The following PPFIBP2 variants were observed in gnomAD, a reference collection of about 807,000 sequenced individuals.
PPFIBP2 encodes the protein liprin-beta-2.
A neutral mutation model predicts 118.3 loss-of-function variants in PPFIBP2; 118 were observed. That is an observed-to-expected ratio of 1.00 (90% CI 0.86 to 1.16). PPFIBP2 has a LOEUF of 1.16. PPFIBP2 is among the 50% of genes most tolerant of loss of function. The probability of loss-of-function intolerance (pLI) is 0.00; values close to 1 mark genes in which losing one functional copy is unlikely to be tolerated. For missense variants in PPFIBP2, 1,195 were observed against 1,073.1 expected (o/e 1.11, Z -1.59); for synonymous variants, 414 against 397.4 (o/e 1.04, Z -0.50).
chr11:7,601,406 A>G (rs1861405610), intron 5 of PPFIBP2, among the ~76,000 whole-genome samples: 1 of 152,184 alleles, frequency 6.6e-6, no homozygotes, highest in Admixed American at 6.5e-5. Flanking sequence ...GGGCAAAATA[A>G]TGTTTCTGTT....
chr11:7,576,939 G>T (rs1856425871), intron 3 of PPFIBP2: 1 of 152,422 alleles, frequency 6.6e-6, no homozygotes, highest in East Asian at 1.9e-4. Flanking sequence ...CAGGGCGGGG[G>T]TCAGGCTGTG....
intron 2 of PPFIBP2, among the ~76,000 whole-genome samples, chr11:7,551,508 C>CTG (rs1852995488): frequency 6.6e-6 from 1 of 152,178 alleles, no homozygotes; most frequent in African/African-American, 2.4e-5. Context: ...GTGTTGATTA[C>CTG]TGTAGCTTTA....
Position 7,653,204 on chromosome 11 carries a change from G to A in PPFIBP2, c.2617G>A (p.Gly873Arg). The A allele has an allele frequency of 1.2e-6, 2 of 1,614,122 alleles. No individual in the cohort carries two copies. Among genetic ancestry groups the A allele is most frequent in the Non-Finnish European group, 8.5e-7 (1 of 1,180,038 alleles). Residue 873 changes from glycine to arginine, a missense_variant, in exon 24 of 24, where the codon GGA becomes AGA. Physicochemically the swap from Gly to Arg is moderately radical, Grantham distance 125 (BLOSUM62 -2). Transcript: ENST00000299492. ...TGAACTGGATGGGCTGGACCAGGTG[G>A]GACAGATTAGCTGATGCCCTTGTCA... ...APELDGLDQVGQIS is the reference protein window; with the variant it reads ...APELDGLDQVRQIS
chr11:7,611,352 T>C (rs1043913716), intron 6 of PPFIBP2, among the ~76,000 whole-genome samples: 1 of 152,148 alleles, frequency 6.6e-6, no homozygotes, highest in Non-Finnish European at 1.5e-5. Flanking sequence ...CCTTCCTTCA[T>C]TTAGGCTAAA....
At chr11:7,655,573 G>C (rs985584204), downstream of PPFIBP2, 4 of 1,150,354 alleles carry the variant, frequency 3.5e-6, no homozygotes, top group African/African-American at 1.6e-5. Flanking sequence ...GTGTGGTGTG[G>C]TATGCACAAG....
intron 17 of PPFIBP2, among the ~76,000 whole-genome samples, chr11:7,644,756 G>T (rs1458718148): frequency 1.3e-5 from 2 of 152,032 alleles, no homozygotes; most frequent in African/African-American, 2.4e-5. Context: ...GGCCGGGCGC[G>T]GTGGCTCACG....
chr11:7,552,758 C>G (rs1301363128), intron 2 of PPFIBP2, among the ~76,000 whole-genome samples: 2 of 152,096 alleles, frequency 1.3e-5, no homozygotes, highest in Admixed American at 6.5e-5. Flanking sequence ...GAGCTTGCCC[C>G]CCCCTCTCCT....
intron 1 of PPFIBP2, among the ~76,000 whole-genome samples, chr11:7,522,851 C>T (rs535974036): frequency 2.0e-5 from 3 of 152,084 alleles, no homozygotes; most frequent in African/African-American, 4.8e-5. Context: ...AATGTGGGCA[C>T]GTGTATTAAT....
intron 7 of PPFIBP2, among the ~76,000 whole-genome samples, chr11:7,622,055 T>G (rs1849419141): frequency 6.6e-6 from 1 of 152,226 alleles, no homozygotes; most frequent in Admixed American, 6.5e-5. Context: ...TTGCTACAGG[T>G]AAATAGCTTA....
In PPFIBP2 at chr11:7,630,919, T is replaced by A. The variant is rs186262460; in HGVS notation, c.965-6T>A. On this transcript the variant is annotated splice_polypyrimidine_tract_variant and splice_region_variant and intron_variant, in intron 10 of 23. Transcript: ENST00000299492. ...CAATTCAGTCTTACTACCTTAATGC[T>A]TGCAGGGCCTTCGGAGAGAACTCTC... 597 of 1,610,852 alleles carry A rather than the reference T, an allele frequency of 3.7e-4. 4 individuals carry two copies. In the African/African-American group the frequency reaches 7.1e-3, roughly 19 times the overall value.
chr11:7,524,141 T>A (rs959232958), intron 1 of PPFIBP2, among the ~76,000 whole-genome samples: 28 of 150,714 alleles, frequency 1.9e-4, no homozygotes, highest in East Asian at 5.8e-4. Flanking sequence ...TGTGTGTGTG[T>A]GAGAGAGAGA....
chr11:7,603,199 TC>T (rs1458312784), intron 5 of PPFIBP2, among the ~76,000 whole-genome samples: 3 of 152,346 alleles, frequency 2.0e-5, no homozygotes, highest in African/African-American at 7.2e-5. Flanking sequence ...CAGGAATTTT[TC>T]AAATATTCCC....
rs765553945 is a variant in PPFIBP2, at chr11:7,649,554, T to TCA, written c.2023_2024dup (p.Ser676ProfsTer49). 1 of 1,614,208 alleles carries TCA rather than the reference T, an allele frequency of 6.2e-7. No individual in the cohort carries two copies. Reference sequence around the variant, plus strand: ...CAGAACGATTTACTCTTCTTAAAAGTCACCAGCCAACTACATCATCTCAGC... The same window carrying TCA: ...CAGAACGATTTACTCTTCTTAAAAGTCACACCAGCCAACTACATCATCTCAGC... On this transcript the variant is annotated frameshift_variant, in exon 21 of 24. Transcript: ENST00000299492. LOFTEE classifies it high-confidence loss of function.
chr11:7,572,761 A>C (rs1215552433), intron 3 of PPFIBP2, among the ~76,000 whole-genome samples: 5 of 152,006 alleles, frequency 3.3e-5, no homozygotes, highest in African/African-American at 1.2e-4. Flanking sequence ...TATGTTTCGA[A>C]GAATGTTTTG....
Position 7,566,178 on chromosome 11 carries a change from T to TA in PPFIBP2, c.279+419dup, listed in dbSNP as rs199524027. Among the ~76,000 whole-genome samples, 873 of 152,166 alleles carry TA rather than the reference T, an allele frequency of 5.7e-3. 15 individuals are homozygous for TA. The highest frequency in any genetic ancestry group is 0.02 in the African/African-American group (815 of 41,502). ...CAAAAGACTGGTTACCTCATTGATT[T>TA]AAAAAAAAGCTTGACAAATTTCTTA... On this transcript the variant is annotated intron_variant, in intron 3 of 23. Coordinates refer to ENST00000299492, the MANE Select transcript of PPFIBP2 (RefSeq NM_003621.5).
intron 15 of PPFIBP2, among the ~76,000 whole-genome samples, chr11:7,640,593 C>G (rs551104776): frequency 6.6e-6 from 1 of 152,358 alleles, no homozygotes; most frequent in Non-Finnish European, 1.5e-5. Flanking sequence ...CTAGTGAAGG[C>G]CAGCTCTGCC....
chr11:7,535,857 G>A (rs545734202), intron 1 of PPFIBP2, among the ~76,000 whole-genome samples: 28 of 152,282 alleles, frequency 1.8e-4, no homozygotes, highest in Admixed American at 1.8e-3. Context: ...GGAGACCACA[G>A]AGACCTGGTG....
At chr11:7,546,051 A>C (rs1852296683) in intron 1 of PPFIBP2, among the ~76,000 whole-genome samples, 1 of 152,224 alleles carries the variant, frequency 6.6e-6, no homozygotes, top group Non-Finnish European at 1.5e-5. Context: ...AACGCGTGGA[A>C]GTGCTGCTGG....
At chr11:7,654,414 G>GT (rs1263015165), downstream of PPFIBP2, among the ~76,000 whole-genome samples, 8 of 152,344 alleles carry the variant, frequency 5.3e-5, no homozygotes, top group African/African-American at 1.9e-4. Flanking sequence ...TCGCAGAAGA[G>GT]TAACACCACG....
Sources: allele counts gnomAD v4.1 joint callset (sites outside exome capture counted in the v4.1 genomes callset), GRCh38; gene constraint gnomAD v4.1.1; transcripts MANE v1.5; gene names NCBI Gene and HGNC (gene_info 2026-07-23, HGNC 2026-07-21).